Variants in EP400 observed in about 807,000 individuals in gnomAD.
EP400 encodes E1A-binding protein p400.
In EP400, 105 loss-of-function variants were observed where a neutral mutation model predicts 354.1. The observed-to-expected ratio is 0.30, with a 90% CI of 0.25 to 0.35. The LOEUF is 0.35. EP400 is among the 10% of genes least tolerant of loss of function. The pLI is 1.00. For synonymous variants in EP400, 1,646 were observed against 1,716.9 expected, an observed-to-expected ratio of 0.96 and a Z score of 1.02; for missense variants, 3,280 against 4,121.0, an observed-to-expected ratio of 0.80 and a Z score of 5.59.
intron 16 of EP400, 151 bp from the exon 17 acceptor site, chr12:132,012,858 T>C: frequency 1.3e-6 from 1 of 752,810 alleles, no homozygotes; most frequent in Non-Finnish European, 2.0e-6. Flanking sequence ...CCGTTTTCTG[T>C]GCGGTAATAG....
chr12:131,974,748 G>A (rs1022772947), intron 2 of EP400, among the ~76,000 whole-genome samples: 16 of 152,050 alleles, frequency 1.1e-4, no homozygotes, highest in African/African-American at 3.6e-4. Flanking sequence ...CCAGCACTTT[G>A]GGAGGCCGAG....
intron 14 of EP400, 93 bp from the exon 15 acceptor site, chr12:132,006,606 TG>T (rs1893590347): frequency 1.6e-6 from 2 of 1,263,292 alleles, no homozygotes; most frequent in Non-Finnish European, 2.2e-6. Context: ...GCTTTCTAAT[TG>T]GTTTATCATG....
intron 30 of EP400, among the ~76,000 whole-genome samples, chr12:132,035,061 AC>A (rs917396073): frequency 6.6e-6 from 1 of 150,578 alleles, no homozygotes; most frequent in Non-Finnish European, 1.5e-5. Context: ...ATACATAAAG[AC>A]CCCCCCTTAC....
At position 132,053,125 on chromosome 12, in the gene EP400, AC is replaced by A. The variant is rs778371370; in HGVS notation, c.7395-19del. On this transcript the variant is annotated intron_variant, in intron 41 of 52. Coordinates refer to ENST00000389561, the MANE Select transcript of EP400 (RefSeq NM_015409.5). ...CTTAAAACTTGCCTGTATGTTTTTA[AC>A]CTTTGCGTCTGTCTTTCAGTGGAAT... The A allele has an allele frequency of 2.5e-6, 4 of 1,613,766 alleles. No homozygotes were observed. In the East Asian group the frequency reaches 8.9e-5, roughly 36 times the overall value.
chr12:132,046,015 G>A, intron 39 of EP400, 115 bp downstream of exon 39: 5 of 1,341,502 alleles, frequency 3.7e-6, no homozygotes, highest in South Asian at 1.4e-5. Flanking sequence ...ATCCCTGTGG[G>A]TCTGCGGTGA....
intron 16 of EP400, among the ~76,000 whole-genome samples, chr12:132,012,768 A>G (rs1184304582): frequency 6.6e-6 from 1 of 152,220 alleles, no homozygotes; most frequent in African/African-American, 2.4e-5. Context: ...GGTAATTGTC[A>G]GCGCCTGCAA....
chr12:131,954,811 T>C (rs1259655441), intron 1 of EP400, among the ~76,000 whole-genome samples: 1 of 151,536 alleles, frequency 6.6e-6, no homozygotes, highest in Non-Finnish European at 1.5e-5. Flanking sequence ...GAGGATTGCT[T>C]GTGGCCAGGA....
rs771269666 is a variant in EP400 at position 132,077,628 on chromosome 12, C to G, written c.9327C>G (p.Val3109=). The G allele has an allele frequency of 6.2e-7, 1 of 1,613,744 alleles. No individual in the cohort carries two copies. The highest frequency in any genetic ancestry group is 8.5e-7 in the Non-Finnish European group (1 of 1,179,882). Reference sequence around the variant, plus strand: ...AGCAGCCCAAGTTACAGATGAGGGTCCCTGCTGTCAGGCTAAAGACACCTA... The same window carrying G: ...AGCAGCCCAAGTTACAGATGAGGGTGCCTGCTGTCAGGCTAAAGACACCTA... ...PSQQPKLQMR[V]PAVRLKTPTK... is the part of the protein sequence containing the mutation. Residue 3109 remains valine, a synonymous_variant, in exon 53 of 53, where the codon GTC becomes GTG. Transcript: ENST00000389561.
intron 7 of EP400, among the ~76,000 whole-genome samples, chr12:131,989,239 C>G (rs532930047): frequency 3.5e-4 from 53 of 152,384 alleles, no homozygotes; most frequent in African/African-American, 1.3e-3. Context: ...GATGCATCTG[C>G]AGCCAGGCCT....
chr12:132,014,048 C>T (rs1893846080), intron 19 of EP400, 135 bp downstream of exon 19: 3 of 1,198,322 alleles, frequency 2.5e-6, no homozygotes, highest in Non-Finnish European at 3.5e-6. Context: ...AGGCACCCTC[C>T]TGGGGGCAGC....
rs1267019302 is a variant in EP400 at position 132,018,387 on chromosome 12, C to T, written c.4277+11C>T. The T allele has an allele frequency of 6.3e-7, 1 of 1,588,402 alleles. No homozygotes were observed. Among genetic ancestry groups the T allele is most frequent in the Non-Finnish European group, 8.5e-7 (1 of 1,170,662 alleles). On this transcript the variant is annotated intron_variant, in intron 21 of 52. Coordinates refer to ENST00000389561, the MANE Select transcript of EP400 (RefSeq NM_015409.5). The surrounding 1 kb of genome is among the most constrained non-coding windows in gnomAD (Gnocchi z 4.0). Reference sequence around the variant, plus strand: ...GCTGAAGGCCAGCAGGTGCGTGCGACCCAGAGGCAGCGGGGAGGGTTGGCT... The same window carrying T: ...GCTGAAGGCCAGCAGGTGCGTGCGATCCAGAGGCAGCGGGGAGGGTTGGCT...
At chr12:131,996,325 G>GTT in intron 12 of EP400, among the ~76,000 whole-genome samples, 1 of 145,004 alleles carries the variant, frequency 6.9e-6, no homozygotes, top group East Asian at 2.0e-4. Context: ...ATGGAGTCTC[G>GTT]CTGTCACCCA....
rs780583751 is a variant in EP400, at chr12:132,023,833, G to A, written c.4747G>A (p.Val1583Met). 30 of 1,613,760 alleles carry A rather than the reference G, an allele frequency of 1.9e-5. No homozygotes were observed. In the Admixed American group the frequency reaches 3.5e-4, roughly 19 times the overall value. ...LASITGPQSR[V>M]AQPETPVTLQ... Reference sequence around the variant, plus strand: ...ATCCATCACAGGACCACAGAGCCGCGTGGCTCAGCCAGAGACGCCGGTGAC... The same window carrying A: ...ATCCATCACAGGACCACAGAGCCGCATGGCTCAGCCAGAGACGCCGGTGAC... The change falls in exon 24 of 53, where the codon GTG (valine) becomes ATG (methionine). Residue 1583 changes from valine to methionine, a missense_variant. Physicochemically the swap from Val to Met is conservative, Grantham distance 21 (BLOSUM62 1). This residue lies in a region of EP400 where 342 missense variants were observed against 342.7 expected (regional missense o/e 1.00). Coordinates refer to ENST00000389561, the MANE Select transcript of EP400 (RefSeq NM_015409.5).
intron 5 of EP400, among the ~76,000 whole-genome samples, chr12:131,983,262 C>T (rs1457414812): frequency 6.6e-6 from 1 of 152,212 alleles, no homozygotes; most frequent in Non-Finnish European, 1.5e-5. Context: ...ACCCACCAGA[C>T]GTGCTCCCTG....
chr12:132,076,908 G>A (rs1896254639), intron 52 of EP400, among the ~76,000 whole-genome samples: 1 of 152,244 alleles, frequency 6.6e-6, no homozygotes, highest in Non-Finnish European at 1.5e-5. Context: ...CAGGCAAGCA[G>A]GCTCCGCTCG....
At chr12:132,008,866 C>G (rs955123240) in intron 15 of EP400, among the ~76,000 whole-genome samples, 1 of 150,400 alleles carries the variant, frequency 6.6e-6, no homozygotes, top group African/African-American at 2.4e-5. Context: ...GTGATCCACC[C>G]ACCTCAGCCT....
chr12:132,020,507 G>A (rs565462836), intron 22 of EP400, among the ~76,000 whole-genome samples: 4 of 152,328 alleles, frequency 2.6e-5, no homozygotes, highest in South Asian at 4.1e-4. Context: ...AGGTGCGTGC[G>A]TGCAGTCGTC....
Position 132,066,789 on chromosome 12 carries a change from T to C in EP400, c.8569T>C (p.Ser2857Pro). ...TACTGTTTAGACCCGGGTTCCCACT[T>C]CTCAGCTGCAGGCGCAAGGGCAGAT... Reference protein sequence around the residue: ...QVARLTRVPTSQLQAQGQMQT... With the variant: ...QVARLTRVPTPQLQAQGQMQT... The change falls in exon 49 of 53, where the codon TCT (serine) becomes CCT (proline). Residue 2857 changes from serine (S) to proline (P), a missense_variant. Physicochemically the swap from Ser to Pro is moderately conservative, Grantham distance 74 (BLOSUM62 -1). Around this residue, in one of 20 missense-constraint regions of EP400, gnomAD observed 279 missense variants for 386.7 expected, o/e 0.72. Coordinates refer to ENST00000389561, the MANE Select transcript of EP400 (RefSeq NM_015409.5). The C allele has an allele frequency of 6.2e-7, 1 of 1,613,882 alleles. No homozygotes were observed. The highest frequency in any genetic ancestry group is 8.5e-7 in the Non-Finnish European group (1 of 1,179,896).
At chr12:132,072,191 A>G (rs1257238890) in intron 51 of EP400, among the ~76,000 whole-genome samples, 2 of 151,990 alleles carry the variant, frequency 1.3e-5, no homozygotes, top group Admixed American at 6.5e-5. Context: ...GAACTCCTGA[A>G]CTCAAGCAGT....
Sources: allele counts gnomAD v4.1 joint callset (sites outside exome capture counted in the v4.1 genomes callset), GRCh38; gene constraint gnomAD v4.1.1; regional missense constraint gnomAD v4.1.1; non-coding constraint Gnocchi (gnomAD v3.1); transcripts MANE v1.5; gene names NCBI Gene and HGNC (gene_info 2026-07-23, HGNC 2026-07-21).